Variants in INO80D observed in about 807,000 individuals in gnomAD.
The protein encoded by INO80D is INO80 complex subunit D.
In INO80D, 21 loss-of-function variants were observed where a neutral mutation model predicts 87.6. The ratio of observed to expected loss-of-function variants is 0.24; its 90% CI spans 0.17 to 0.35. INO80D has a LOEUF of 0.35. INO80D is among the 10% of genes least tolerant of loss of function. The pLI is 1.00. For synonymous variants in INO80D, 440 were observed against 491.0 expected, an observed-to-expected ratio of 0.90 and a Z score of 1.37; for missense variants, 982 against 1,280.7, an observed-to-expected ratio of 0.77 and a Z score of 3.56.
At chr2:206,067,239 C>T (rs1298977308) in intron 1 of INO80D, among the ~76,000 whole-genome samples, 1 of 149,636 alleles carries the variant, frequency 6.7e-6, no homozygotes, top group Non-Finnish European at 1.5e-5. Context: ...AGAGTGCAAC[C>T]GTCTCCAAAA....
At chr2:206,020,455 A>T (rs540678836) in intron 6 of INO80D, among the ~76,000 whole-genome samples, 1 of 152,178 alleles carries the variant, frequency 6.6e-6, no homozygotes, top group Non-Finnish European at 1.5e-5. Context: ...TAAACCCATA[A>T]ATCTGCAAAA....
At chr2:206,033,716 G>A (rs1457076533) in intron 5 of INO80D, among the ~76,000 whole-genome samples, 1 of 151,948 alleles carries the variant, frequency 6.6e-6, no homozygotes, top group East Asian at 1.9e-4. Flanking sequence ...AAACCCAGCA[G>A]AAGAAAGGAA....
chr2:206,004,870 G>A lies in INO80D; in HGVS notation c.2582C>T (p.Ser861Leu). ...CTGCGCCATGATGGGCATCTCTGCT[G>A]AAAAGGTAGCTGCCATATTATCACC... Reference protein sequence around the residue: ...YSGDNMAATFSAEMPIMAQHL... With the variant: ...YSGDNMAATFLAEMPIMAQHL... The change falls in exon 11 of 11, where the codon TCA (serine) becomes TTA (leucine). Residue 861 changes from serine (S) to leucine (L), a missense_variant. Transcript: ENST00000403263. The surrounding 1 kb of genome is among the most constrained non-coding windows in gnomAD (Gnocchi z 4.9). 1.9e-6 allele frequency: 3 copies of A among 1,614,038 alleles called. No homozygotes were observed. Among genetic ancestry groups the A allele is most frequent in the Non-Finnish European group, 2.5e-6 (3 of 1,179,904 alleles).
chr2:206,005,409 T>C lies in INO80D; in HGVS notation c.2043A>G (p.Pro681=). The C allele has an allele frequency of 1.9e-6, 3 of 1,613,958 alleles. No homozygotes were observed. Among genetic ancestry groups the C allele is most frequent in the Non-Finnish European group, 2.5e-6 (3 of 1,179,878 alleles). ...TTCCTCTATCTGACAACTCCTGGAC[T>C]GGCACACCATCTGACTGGGCAAGGA... ...IGVLAQSDGV[P]VQELSDRGIG... is the part of the protein sequence containing the mutation. Residue 681 remains proline, a synonymous_variant, in exon 11 of 11, where the codon CCA becomes CCG. Coordinates refer to ENST00000403263, the MANE Select transcript of INO80D (RefSeq NM_017759.5).
At chr2:206,034,678 T>A (rs1688850541) in intron 5 of INO80D, among the ~76,000 whole-genome samples, 1 of 137,916 alleles carries the variant, frequency 7.3e-6, no homozygotes, top group Non-Finnish European at 1.7e-5. Flanking sequence ...CTCTGAGAAC[T>A]GGAACAAGAC....
chr2:206,030,213 C>A (rs750274761), intron 5 of INO80D, among the ~76,000 whole-genome samples: 4 of 152,232 alleles, frequency 2.6e-5, no homozygotes, highest in Non-Finnish European at 5.9e-5. Flanking sequence ...TGGCTCACAT[C>A]TGTAATCCCT....
At chr2:206,074,380 A>G (rs565788973) in intron 1 of INO80D, among the ~76,000 whole-genome samples, 1 of 152,166 alleles carries the variant, frequency 6.6e-6, no homozygotes, top group Admixed American at 6.5e-5. Context: ...TTGGGAGGCC[A>G]AGACAGGCGG....
rs570960764 is a variant in INO80D, at chr2:206,039,972, A to C, written c.1073+6532T>G. Among the ~76,000 whole-genome samples, 6 of 152,076 alleles carry C rather than the reference A, an allele frequency of 3.9e-5. No individual in the cohort carries two copies. The South Asian group carries it at 1.2e-3, about 32-fold the overall frequency. On this transcript the variant is annotated intron_variant, in intron 5 of 10. Transcript: ENST00000403263. ...GAAAAAACATGAATAAACATACGAC[A>C]AAGAGTAATCACAAAACTTCCCACA...
rs754767138 is a variant in INO80D, at chr2:206,019,793, C to G, written c.1351G>C (p.Val451Leu). 1 of 1,613,912 alleles carries G rather than the reference C, an allele frequency of 6.2e-7. No individual in the cohort carries two copies. The change falls in exon 7 of 11, where the codon GTG becomes CTG. Residue 451 changes from valine (V) to leucine (L), a missense_variant. Val to Leu is a conservative substitution (Grantham distance 32). Transcript: ENST00000403263. The stretch of plus-strand genomic sequence containing the variant: ...TTGTTAGCGCACTGTTCACCCTTCA[C>G]GGTTCCACTGCATGCTGCTGGTTCC... ...EVEPAACSGT[V>L]KGEQCANKAL... is the part of the protein sequence containing the mutation.
chr2:206,084,598 G>C (rs1690384154), intron 1 of INO80D: 1 of 152,168 alleles, frequency 6.6e-6, no homozygotes, highest in Admixed American at 6.6e-5. Flanking sequence ...CAAAAAGGAG[G>C]GGAAACTCCT....
chr2:206,023,191 C>T (rs1468471107), intron 6 of INO80D, among the ~76,000 whole-genome samples: 3 of 151,182 alleles, frequency 2.0e-5, no homozygotes, highest in African/African-American at 4.9e-5. Context: ...ACAAGAGTGA[C>T]ACTCCATCTC....
At position 206,000,147 on chromosome 2, in the gene INO80D, A is replaced by G. The variant is rs929299985; in HGVS notation, c.*4221T>C. ...AGTTCTGTTGACCATTTAGAAGACC[A>G]TAATATTAGATTTCTATATATACCA... On this transcript the variant is annotated 3_prime_UTR_variant, in exon 11 of 11. Transcript: ENST00000403263. 6.6e-6 allele frequency: 1 copy of G among 152,206 alleles called. No individual in the cohort carries two copies. The highest frequency in any genetic ancestry group is 2.4e-5 in the African/African-American group (1 of 41,458). 9.4% of individuals were successfully genotyped at this position (152,206 alleles called of 1,614,324 possible).
intron 5 of INO80D, among the ~76,000 whole-genome samples, chr2:206,033,417 A>T (rs1688818496): frequency 6.6e-6 from 1 of 152,214 alleles, no homozygotes; most frequent in African/African-American, 2.4e-5. Context: ...TAAAACTGGG[A>T]ATCAACTCCA....
At chr2:206,037,682 T>C (rs1559446283) in intron 5 of INO80D, among the ~76,000 whole-genome samples, 1 of 152,104 alleles carries the variant, frequency 6.6e-6, no homozygotes, top group African/African-American at 2.4e-5. Context: ...GAAGTAAAAA[T>C]AGAACTATAG....
chr2:206,004,965 A>G lies in INO80D; in HGVS notation c.2487T>C (p.His829=). Residue 829 remains histidine (H), a synonymous_variant, in exon 11 of 11, where the codon CAT becomes CAC. Transcript: ENST00000403263. The surrounding 1 kb of genome is among the most constrained non-coding windows in gnomAD (Gnocchi z 4.9). ...DHSHSSPHGS[H]YDSEHVPSPY... The stretch of plus-strand genomic sequence containing the variant: ...GAGACGGCACATGCTCACTATCATA[A>G]TGGCTTCCATGGGGTGAGGAGTGTG... The G allele has an allele frequency of 1.2e-6, 2 of 1,614,020 alleles. No homozygotes were observed. The highest frequency in any genetic ancestry group is 1.7e-6 in the Non-Finnish European group (2 of 1,179,886).
chr2:206,048,298 A>G (rs1159520478), intron 4 of INO80D, among the ~76,000 whole-genome samples: 1 of 151,982 alleles, frequency 6.6e-6, no homozygotes, highest in Non-Finnish European at 1.5e-5. Flanking sequence ...TAGTGGTGCA[A>G]TCTCAGCTCA....
chr2:206,073,570 G>C (rs1207845585), intron 1 of INO80D, among the ~76,000 whole-genome samples: 1 of 151,978 alleles, frequency 6.6e-6, no homozygotes, highest in African/African-American at 2.4e-5. Context: ...CTGGAGTGCA[G>C]TGGTATGATT....
In INO80D at chr2:206,085,144, G is replaced by A. The variant is rs950774988; in HGVS notation, c.-124+757C>T. Among the ~76,000 whole-genome samples, 4 of 152,080 alleles carry A rather than the reference G, an allele frequency of 2.6e-5. No individual in the cohort carries two copies. Among genetic ancestry groups the A allele is most frequent in the African/African-American group, 9.7e-5 (4 of 41,434 alleles). ...CCGGGCGCTAGGACCAGGGCTCCCC[G>A]GAGAGACAGCGGCCCCCAGTTCGGG... is the stretch of plus-strand genomic sequence containing the variant. On this transcript the variant is annotated intron_variant, in intron 1 of 10. Coordinates refer to ENST00000403263, the MANE Select transcript of INO80D (RefSeq NM_017759.5). The surrounding 1 kb of genome is among the most constrained non-coding windows in gnomAD (Gnocchi z 4.5).
chr2:206,017,610 G>T, intron 8 of INO80D, 70 bp downstream of exon 8: 1 of 1,286,246 alleles, frequency 7.8e-7, no homozygotes, highest in Non-Finnish European at 1.0e-6. Flanking sequence ...CATAGTTTGT[G>T]CTAAGTTATA....
Sources: gnomAD v4.1 joint callset for allele counts (sites outside exome capture counted in the v4.1 genomes callset) on GRCh38, gnomAD v4.1.1 for gene constraint, Gnocchi (gnomAD v3.1) non-coding constraint, MANE v1.5 for transcripts, NCBI Gene and HGNC (gene_info 2026-07-23, HGNC 2026-07-21) for gene names.